The following RIMS3 variants were observed in gnomAD, a reference collection of about 807,000 sequenced individuals.
RIMS3 encodes the protein regulating synaptic membrane exocytosis protein 3.
In RIMS3, 15 loss-of-function variants were observed where a neutral mutation model predicts 29.2. The ratio of observed to expected loss-of-function variants is 0.51; its 90% confidence interval spans 0.34 to 0.79. The LOEUF is 0.79. RIMS3 is among the 30% of genes least tolerant of loss of function. RIMS3 has a pLI of 0.01. For synonymous variants in RIMS3, 161 were observed against 170.1 expected (o/e 0.95, Z 0.41); for missense variants, 342 against 421.4 (o/e 0.81, Z 1.65).
At position 40,626,695 on chromosome 1, in the gene RIMS3, T is replaced by A; in HGVS notation, c.749A>T (p.His250Leu). 1 of 1,614,154 alleles carries A rather than the reference T, an allele frequency of 6.2e-7. No homozygotes were observed. Among genetic ancestry groups the A allele is most frequent in the Non-Finnish European group, 8.5e-7 (1 of 1,180,018 alleles). Reference sequence around the variant, plus strand: ...CTGGGCCATGCCCATGAAGCACTTGTGGTCCATGCGGCCATAGTCTCCCCA... The same window carrying A: ...CTGGGCCATGCCCATGAAGCACTTGAGGTCCATGCGGCCATAGTCTCCCCA... ...IVWGDYGRMD[H>L]KCFMGMAQIM... Residue 250 changes from histidine (H) to leucine (L), a missense_variant, in exon 8 of 8, where the codon CAC (histidine) becomes CTC (leucine). By Grantham distance (99) the His-to-Leu change is moderately conservative. Transcript: ENST00000372684.
the RIMS3 span, chr1:40,691,552 G>A: frequency 3.3e-6 from 1 of 302,804 alleles, no homozygotes; most frequent in African/African-American, 2.3e-5. Context: ...CCCGAAAGGG[G>A]GCGGGGTTAA....
chr1:40,666,368 C>T (rs1349441688), upstream of RIMS3, among the ~76,000 whole-genome samples: 1 of 152,150 alleles, frequency 6.6e-6, no homozygotes, highest in Non-Finnish European at 1.5e-5. Context: ...GAGAAGAGAC[C>T]AGGGATGCTG....
chr1:40,632,035 A>T (rs1646492239), intron 5 of RIMS3, among the ~76,000 whole-genome samples: 1 of 152,144 alleles, frequency 6.6e-6, no homozygotes. Context: ...ATCTATGCAC[A>T]TCCTCCCATA....
intron 3 of RIMS3, among the ~76,000 whole-genome samples, chr1:40,639,244 C>T (rs1445815325): frequency 1.3e-5 from 2 of 152,182 alleles, no homozygotes; most frequent in Non-Finnish European, 2.9e-5. Context: ...GTGGGGGCAC[C>T]CTTCTAGGTC....
the RIMS3 span, among the ~76,000 whole-genome samples, chr1:40,689,280 ATTTC>A: frequency 3.3e-5 from 5 of 151,960 alleles, no homozygotes; most frequent in Non-Finnish European, 5.9e-5. Context: ...GGTTCATGCC[ATTTC>A]TTTCTTTCTT....
chr1:40,628,596 AC>A lies in RIMS3; in HGVS notation c.714+213del, dbSNP rs1197707434. ...CCTGGTTCTACCTACCAGCTGTGCAACCTGGGGAGCAATTTGATTACCCCCA... is the reference window on the plus strand; with the variant it reads ...CCTGGTTCTACCTACCAGCTGTGCAACTGGGGAGCAATTTGATTACCCCCA... On this transcript the variant is annotated intron_variant, in intron 7 of 7. Coordinates refer to ENST00000372684, the MANE Select transcript of RIMS3 (RefSeq NM_014747.3). Among the ~76,000 whole-genome samples, 9 of 152,328 alleles carry A rather than the reference AC, an allele frequency of 5.9e-5. No individual in the cohort carries two copies. In the East Asian group the frequency reaches 1.7e-3, roughly 29 times the overall value.
In RIMS3 at chr1:40,654,676, C is replaced by T. The variant is rs144311727; in HGVS notation, c.-206-6834G>A. Among the ~76,000 whole-genome samples, 142 of 152,086 alleles carry T rather than the reference C, an allele frequency of 9.3e-4. 1 individual carries two copies. Among genetic ancestry groups the T allele is most frequent in the African/African-American group, 3.0e-3 (125 of 41,474 alleles). On this transcript the variant is annotated intron_variant, in intron 1 of 7. Transcript: ENST00000372684. The surrounding 1 kb of genome is among the most constrained non-coding windows in gnomAD (Gnocchi z 5.3). ...CCTGCCACACACACACAAACTCGCACGCTGCAGAAAAACTCCCTCGCAGAG... is the reference window on the plus strand; with the variant it reads ...CCTGCCACACACACACAAACTCGCATGCTGCAGAAAAACTCCCTCGCAGAG...
the RIMS3 span, among the ~76,000 whole-genome samples, chr1:40,686,162 G>GTA: frequency 6.6e-6 from 1 of 151,700 alleles, no homozygotes; most frequent in Admixed American, 6.6e-5. Context: ...AAGAAAAAAA[G>GTA]TAGAGTGCCA....
the RIMS3 span, among the ~76,000 whole-genome samples, chr1:40,681,989 C>G: frequency 6.6e-6 from 1 of 152,104 alleles, no homozygotes; most frequent in South Asian, 2.1e-4. Flanking sequence ...GCCCACCACC[C>G]CACCCAGCTA....
intron 2 of RIMS3, among the ~76,000 whole-genome samples, chr1:40,644,818 G>A (rs1013778383): frequency 6.6e-6 from 1 of 152,220 alleles, no homozygotes; most frequent in East Asian, 1.9e-4. Context: ...ACCATGCCAG[G>A]GTTCAGGGCA....
intron 1 of RIMS3, among the ~76,000 whole-genome samples, chr1:40,648,128 T>C (rs1646607196): frequency 6.6e-6 from 1 of 152,106 alleles, no homozygotes; most frequent in Admixed American, 6.5e-5. Context: ...GCTAAGGAGC[T>C]CTAGACCCTA....
chr1:40,672,580 G>C, the RIMS3 span, among the ~76,000 whole-genome samples: 2 of 152,226 alleles, frequency 1.3e-5, no homozygotes, highest in Non-Finnish European at 1.5e-5. Context: ...CAGAGACAGA[G>C]AGAAAATCGA....
intron 4 of RIMS3, among the ~76,000 whole-genome samples, chr1:40,633,466 C>G (rs1003249969): frequency 6.6e-6 from 1 of 152,158 alleles, no homozygotes; most frequent in African/African-American, 2.4e-5. Context: ...CTGAAGTGAC[C>G]CTTACAAGGC....
At chr1:40,689,276 T>C in the RIMS3 span, among the ~76,000 whole-genome samples, 1 of 152,180 alleles carries the variant, frequency 6.6e-6, no homozygotes, top group Non-Finnish European at 1.5e-5. Flanking sequence ...AAGTGGTTCA[T>C]GCCATTTCTT....
At position 40,641,821 on chromosome 1, in the gene RIMS3, G is replaced by A. The variant is rs531001889; in HGVS notation, c.105C>T (p.Gly35=). The change falls in exon 3 of 8, where the codon GGC becomes GGT. Residue 35 remains glycine, a synonymous_variant. Transcript: ENST00000372684. ...TCTTGGCGGTGGTGGTCCCAGCCCC[G>A]CCCCCGGCTTGCTGGGATCCGCAGA... ...GEICGSQQAG[G]GAGTTTAKKR... 39 of 1,612,860 alleles carry A rather than the reference G, an allele frequency of 2.4e-5. No individual in the cohort carries two copies. The highest frequency in any genetic ancestry group is 6.7e-5 in the East Asian group (3 of 44,860).
chr1:40,672,784 T>C, the RIMS3 span, among the ~76,000 whole-genome samples: 1 of 151,870 alleles, frequency 6.6e-6, no homozygotes, highest in South Asian at 2.1e-4. Context: ...GAAGACTGCT[T>C]GAGTCCAGGA....
chr1:40,646,078 T>C (rs1263702984), intron 2 of RIMS3, among the ~76,000 whole-genome samples: 1 of 152,200 alleles, frequency 6.6e-6, no homozygotes, highest in Non-Finnish European at 1.5e-5. Context: ...AGATTCCTTA[T>C]GTGAACTCCT....
At chr1:40,682,261 G>T in the RIMS3 span, among the ~76,000 whole-genome samples, 1 of 152,122 alleles carries the variant, frequency 6.6e-6, no homozygotes, top group Non-Finnish European at 1.5e-5. Flanking sequence ...TGTTAATTAA[G>T]TACCTATTAT....
upstream of RIMS3, among the ~76,000 whole-genome samples, chr1:40,668,249 C>CA (rs35624303): frequency 8.6e-3 from 919 of 106,344 alleles, 4 homozygotes; most frequent in African/African-American, 0.016. Context: ...GACTCTGTCT[C>CA]AAAAAAAAAA....
Sources: gnomAD v4.1 joint callset for allele counts (sites outside exome capture counted in the v4.1 genomes callset) on GRCh38, gnomAD v4.1.1 for gene constraint, Gnocchi (gnomAD v3.1) non-coding constraint, MANE v1.5 for transcripts, NCBI Gene and HGNC (gene_info 2026-07-23, HGNC 2026-07-21) for gene names.